TET1: variants seen among roughly 807,000 people sequenced by gnomAD.
TET1 encodes methylcytosine dioxygenase TET1.
In TET1, 13 loss-of-function variants were observed where a neutral mutation model predicts 148.7. That is an observed-to-expected ratio of 0.09 (90% CI 0.06 to 0.14). TET1 has a LOEUF of 0.14. TET1 is among the 10% of genes least tolerant of loss of function. TET1 has a pLI of 1.00. For synonymous variants in TET1, 907 were observed against 937.2 expected, an observed-to-expected ratio of 0.97 and a Z score of 0.59; for missense variants, 2,182 against 2,553.8, an observed-to-expected ratio of 0.85 and a Z score of 3.14.
At position 68,682,718 on chromosome 10, in the gene TET1, C is replaced by T. The variant is rs1222594885; in HGVS notation, c.4915-118C>T. On this transcript the variant is annotated intron_variant, in intron 9 of 11. Coordinates refer to ENST00000373644, the MANE Select transcript of TET1 (RefSeq NM_030625.3). ...TTCATGACAATAATACATTTAGTCT[C>T]AGAAATTACAAAGTGTAATTAATTA... The T allele has an allele frequency of 7.6e-6, 9 of 1,191,048 alleles. No individual in the cohort carries two copies. In the Admixed American group the frequency reaches 2.4e-4, roughly 31 times the overall value. The allele number at this position is 1,191,048 out of a possible 1,614,324, so 73.8% of individuals were successfully genotyped here.
chr10:68,666,524 C>A (rs912835746), intron 6 of TET1, among the ~76,000 whole-genome samples: 1 of 152,112 alleles, frequency 6.6e-6, no homozygotes, highest in South Asian at 2.1e-4. Flanking sequence ...ACATTTGTTC[C>A]CTTGTGACAT....
chr10:68,673,490 G>T, intron 8 of TET1: 1 of 354,284 alleles, frequency 2.8e-6, no homozygotes. Context: ...AGGCCATGGT[G>T]AGCAAAGAAA....
intron 3 of TET1, among the ~76,000 whole-genome samples, chr10:68,622,086 A>T (rs2054378868): frequency 6.6e-6 from 1 of 152,214 alleles, no homozygotes. Context: ...TAACTATGTT[A>T]AAGATGTAAC....
Position 68,691,907 on chromosome 10 carries a change from A to G in TET1, c.*93A>G. ...AGTCATGTTGTCGTTTACTATCTTC[A>G]TCTCACCCATTTCAAGTCTGAGGTA... On this transcript the variant is annotated 3_prime_UTR_variant, in exon 12 of 12. Transcript: ENST00000373644. This position sits in a 1 kb window ranked among gnomAD's most constrained non-coding sequence, Gnocchi z 4.4. 1 of 1,402,762 alleles carries G rather than the reference A, an allele frequency of 7.1e-7. No individual in the cohort carries two copies. Among genetic ancestry groups the G allele is most frequent in the Non-Finnish European group, 9.6e-7 (1 of 1,042,146 alleles). 86.9% of individuals were successfully genotyped at this position (1,402,762 alleles called of 1,614,324 possible).
chr10:68,635,153 G>T (rs1456126132), intron 3 of TET1, among the ~76,000 whole-genome samples: 4 of 151,366 alleles, frequency 2.6e-5, no homozygotes, highest in Admixed American at 2.6e-4. Flanking sequence ...GTGAGTTTGA[G>T]ACTGGAATTA....
At chr10:68,612,861 GCCCACCTCAGACT>G (rs1487176752) in intron 3 of TET1, among the ~76,000 whole-genome samples, 3 of 152,066 alleles carry the variant, frequency 2.0e-5, no homozygotes, top group Non-Finnish European at 4.4e-5. Context: ...CAACTGATCT[GCCCACCTCAGACT>G]CCCAAAGTGC....
intron 3 of TET1, among the ~76,000 whole-genome samples, chr10:68,624,658 TTCTCTCTC>T (rs201414722): frequency 7.3e-5 from 7 of 95,278 alleles, no homozygotes; most frequent in African/African-American, 1.2e-4. Flanking sequence ...CTTTCTTTCT[TTCTCTCTC>T]TCTCTCTCTC....
At chr10:68,564,092 A>G (rs1046552056) in intron 1 of TET1, among the ~76,000 whole-genome samples, 2 of 151,476 alleles carry the variant, frequency 1.3e-5, no homozygotes, top group African/African-American at 4.9e-5. Flanking sequence ...ATAATTTTGG[A>G]TTGCATACTC....
intron 6 of TET1, among the ~76,000 whole-genome samples, chr10:68,664,076 T>A (rs1296716417): frequency 1.3e-5 from 2 of 152,126 alleles, no homozygotes; most frequent in East Asian, 3.9e-4. Flanking sequence ...CTTGGCTCGC[T>A]GCAACCTCCA....
At chr10:68,641,784 A>C (rs1403102317) in intron 3 of TET1, among the ~76,000 whole-genome samples, 1 of 152,068 alleles carries the variant, frequency 6.6e-6, no homozygotes, top group African/African-American at 2.4e-5. Context: ...TACAGGCATG[A>C]GCCACCGCAC....
Position 68,676,170 on chromosome 10 carries a change from T to TGG in TET1, c.4824+3126_4824+3127insGG, listed in dbSNP as rs1278967482. On this transcript the variant is annotated intron_variant, in intron 8 of 11. Transcript: ENST00000373644. ...GCACCTGGCCTTTTGTGTGTGTGTG[T>TGG]GTGTGTGTGTGTGTGTATACACAAG... Among the ~76,000 whole-genome samples the TGG allele has an allele frequency of 7.1e-4, 99 of 140,370 alleles. No homozygotes were observed. The East Asian group carries it at 0.019, about 27-fold the overall frequency. The allele number at this position is 140,370 out of a possible 152,430, so 92.1% of individuals were successfully genotyped here.
intron 10 of TET1, 90 bp from the exon 11 acceptor site, chr10:68,686,266 C>T: frequency 8.8e-7 from 1 of 1,142,450 alleles, no homozygotes; most frequent in South Asian, 1.6e-5. Context: ...AAATCTCTTT[C>T]CCAAAGGCAA....
chr10:68,679,660 G>T (rs1186980399), intron 8 of TET1, among the ~76,000 whole-genome samples: 2 of 152,012 alleles, frequency 1.3e-5, no homozygotes, highest in Admixed American at 6.6e-5. Context: ...TTAAAGTAGG[G>T]TCATGACTTT....
intron 1 of TET1, among the ~76,000 whole-genome samples, chr10:68,565,475 A>ATATATATATATAT (rs1554927790): frequency 1.2e-4 from 16 of 129,226 alleles, no homozygotes; most frequent in African/African-American, 4.2e-4. Context: ...AAAAAAAAAA[A>ATATATATATATAT]ATATATATAT....
chr10:68,603,913 C>T lies in TET1; in HGVS notation c.1968+2879C>T, dbSNP rs80343817. On this transcript the variant is annotated intron_variant, in intron 3 of 11. Coordinates refer to ENST00000373644, the MANE Select transcript of TET1 (RefSeq NM_030625.3). The stretch of plus-strand genomic sequence containing the variant: ...TGAAATGACAGCTCTGGCCAAAGCA[C>T]TCTAAAGGCCAGAATGGGTATCAGC... Among the ~76,000 whole-genome samples, 882 of 152,330 alleles carry T rather than the reference C, an allele frequency of 5.8e-3. 11 individuals carry two copies. Among genetic ancestry groups the T allele is most frequent in the African/African-American group, 0.02 (840 of 41,574 alleles).
chr10:68,649,149 A>G (rs574845832), intron 4 of TET1, among the ~76,000 whole-genome samples: 6 of 152,338 alleles, frequency 3.9e-5, no homozygotes, highest in African/African-American at 1.4e-4. Flanking sequence ...AAGCTCTTCA[A>G]AGAGAGGGTT....
intron 11 of TET1, among the ~76,000 whole-genome samples, 188 bp from the exon 12 acceptor site, chr10:68,690,620 A>G (rs988671433): frequency 1.3e-5 from 2 of 152,234 alleles, no homozygotes; most frequent in African/African-American, 4.8e-5. Context: ...TAGATGAAAA[A>G]TTATACAAAA....
At chr10:68,634,914 A>ACCCCC (rs2054628392) in intron 3 of TET1, among the ~76,000 whole-genome samples, 1 of 151,978 alleles carries the variant, frequency 6.6e-6, no homozygotes, top group African/African-American at 2.4e-5. Flanking sequence ...GGTGTGTGCC[A>ACCCCC]CCATGCCTGG....
At chr10:68,624,660 C>CTTTCTTTCTT (rs1462948714) in intron 3 of TET1, among the ~76,000 whole-genome samples, 1,560 of 74,034 alleles carry the variant, frequency 0.021, 17 homozygotes, top group African/African-American at 0.028. Flanking sequence ...TTCTTTCTTT[C>CTTTCTTTCTT]TCTCTCTCTC....
Sources: allele counts gnomAD v4.1 joint callset (sites outside exome capture counted in the v4.1 genomes callset), GRCh38; gene constraint gnomAD v4.1.1; non-coding constraint Gnocchi (gnomAD v3.1); transcripts MANE v1.5; gene names NCBI Gene and HGNC (gene_info 2026-07-23, HGNC 2026-07-21).